Variants in LUZP2 observed in about 807,000 individuals in gnomAD.
LUZP2 encodes the protein leucine zipper protein 2.
A neutral mutation model predicts 51.6 loss-of-function variants in LUZP2; 52 were observed. That is an observed-to-expected ratio of 1.01 (90% CI 0.81 to 1.27). The LOEUF is 1.27. LUZP2 is among the 50% of genes most tolerant of loss of function. LUZP2 has a pLI of 0.00. For missense variants in LUZP2, 436 were observed against 395.4 expected (o/e 1.10, Z -0.87); for synonymous variants, 154 against 137.3 (o/e 1.12, Z -0.85).
At chr11:24,701,545 G>A (rs1478548038) in intron 1 of LUZP2, 4 of 157,458 alleles carry the variant, frequency 2.5e-5, no homozygotes. Flanking sequence ...GTCTGATGAA[G>A]CCCGAGACAA....
chr11:25,038,177 A>T (rs1857922803), intron 9 of LUZP2, among the ~76,000 whole-genome samples: 1 of 152,122 alleles, frequency 6.6e-6, no homozygotes, highest in Admixed American at 6.6e-5. Flanking sequence ...ACATAATCTC[A>T]TATTTCTCAG....
At chr11:24,863,744 G>A (rs539540331) in intron 5 of LUZP2, among the ~76,000 whole-genome samples, 12 of 152,086 alleles carry the variant, frequency 7.9e-5, no homozygotes, top group Admixed American at 3.3e-4. Flanking sequence ...ATAAAAACAC[G>A]TCCCCAGAAA....
intron 10 of LUZP2, among the ~76,000 whole-genome samples, chr11:25,057,112 TTATATAAA>T (rs1418778822): frequency 6.6e-6 from 1 of 152,066 alleles, no homozygotes; most frequent in Non-Finnish European, 1.5e-5. Flanking sequence ...ATTATGATTA[TTATATAAA>T]TATATAGATA....
chr11:24,729,326 C>A, intron 2 of LUZP2, 40 bp downstream of exon 2: 1 of 1,092,738 alleles, frequency 9.2e-7, no homozygotes, highest in South Asian at 1.8e-5. Context: ...AAAAGAGGAG[C>A]AGTCATCTGA....
Position 24,830,791 on chromosome 11 carries a change from G to C in LUZP2, c.396+67483G>C, listed in dbSNP as rs186085431. On this transcript the variant is annotated intron_variant, in intron 5 of 11. Transcript: ENST00000336930. ...GGGCGGATCATGAGGTCAGGAGATC[G>C]AGACCATCCTGGCTAACCTGGTGAA... is the stretch of plus-strand genomic sequence containing the variant. Among the ~76,000 whole-genome samples the C allele has an allele frequency of 8.4e-4, 127 of 151,788 alleles. 1 individual carries two copies. Among genetic ancestry groups the C allele is most frequent in the African/African-American group, 2.8e-3 (117 of 41,346 alleles).
chr11:24,824,316 A>C lies in LUZP2; in HGVS notation c.396+61008A>C, dbSNP rs531127541. On this transcript the variant is annotated intron_variant, in intron 5 of 11. Coordinates refer to ENST00000336930, the MANE Select transcript of LUZP2 (RefSeq NM_001009909.4). ...GGGAAGTGGAAGTTGCGGTGAGCCA[A>C]GATTACACCATTGCACTCCAGCCTG... is the stretch of plus-strand genomic sequence containing the variant. 7.8e-5 allele frequency among the ~76,000 whole-genome samples: 11 copies of C among 140,380 alleles called. No individual in the cohort carries two copies. In the South Asian group the frequency reaches 2.7e-3, roughly 34 times the overall value. 92.1% of individuals were successfully genotyped at this position (140,380 alleles called of 152,430 possible).
chr11:24,773,388 C>T (rs1848807775), intron 5 of LUZP2, among the ~76,000 whole-genome samples: 1 of 151,792 alleles, frequency 6.6e-6, no homozygotes, highest in African/African-American at 2.4e-5. Context: ...AAGAATTCAG[C>T]CAAGAGATGA....
chr11:24,697,452 A>G (rs1231097934), intron 1 of LUZP2, among the ~76,000 whole-genome samples: 1 of 152,240 alleles, frequency 6.6e-6, no homozygotes, highest in Non-Finnish European at 1.5e-5. Flanking sequence ...AAATTATTAC[A>G]GTGTAAAAAA....
At chr11:24,513,609 G>T (rs7112372) in intron 1 of LUZP2, among the ~76,000 whole-genome samples, 44,731 of 151,964 alleles carry the variant, frequency 0.29, 6,894 homozygotes, top group South Asian at 0.5. Context: ...GACTCATATG[G>T]TTTTTCCTGT....
At chr11:24,557,571 C>G (rs1851910145) in intron 1 of LUZP2, among the ~76,000 whole-genome samples, 1 of 151,734 alleles carries the variant, frequency 6.6e-6, no homozygotes, top group African/African-American at 2.4e-5. Flanking sequence ...GTATTAAATA[C>G]TCACAAAGCC....
At chr11:24,844,720 G>T (rs1410104968) in intron 5 of LUZP2, among the ~76,000 whole-genome samples, 1 of 152,126 alleles carries the variant, frequency 6.6e-6, no homozygotes, top group African/African-American at 2.4e-5. Context: ...AAGGGACTTA[G>T]TGTCCTGTGT....
At chr11:24,716,571 A>G (rs1334665163) in intron 1 of LUZP2, among the ~76,000 whole-genome samples, 1 of 152,136 alleles carries the variant, frequency 6.6e-6, no homozygotes, top group Non-Finnish European at 1.5e-5. Flanking sequence ...CTGCCAGTCC[A>G]AACAAGGAAA....
chr11:24,574,419 A>ATGTATTTGTGTGTTAGTTAG (rs1235027560), intron 1 of LUZP2, among the ~76,000 whole-genome samples: 6 of 133,738 alleles, frequency 4.5e-5, no homozygotes, highest in Admixed American at 4.3e-4. Context: ...TCTGGTGTGT[A>ATGTATTTGTGTGTTAGTTAG]TGTATTTGTG....
chr11:25,002,469 G>T (rs748814831), intron 9 of LUZP2, among the ~76,000 whole-genome samples: 8 of 152,296 alleles, frequency 5.3e-5, no homozygotes, highest in Non-Finnish European at 1.0e-4. Flanking sequence ...TCAAGGAATA[G>T]CACCTGGTAT....
intron 1 of LUZP2, among the ~76,000 whole-genome samples, chr11:24,646,916 A>C (rs887505045): frequency 6.6e-6 from 1 of 152,000 alleles, no homozygotes. Context: ...TATAATATAT[A>C]ATTTATTGTT....
chr11:25,019,206 T>C (rs1857256214), intron 9 of LUZP2, among the ~76,000 whole-genome samples: 1 of 152,216 alleles, frequency 6.6e-6, no homozygotes, highest in South Asian at 2.1e-4. Context: ...ATAGAATTTA[T>C]CTTCGTTATA....
intron 1 of LUZP2, among the ~76,000 whole-genome samples, chr11:24,538,019 TG>T (rs36001661): frequency 0.4 from 60,520 of 151,560 alleles, 12,409 homozygotes; most frequent in Middle Eastern, 0.5. Flanking sequence ...GCCACTTCTT[TG>T]AAGAGAAGGA....
chr11:24,854,948 C>T (rs1033740119), intron 5 of LUZP2, among the ~76,000 whole-genome samples: 8 of 152,134 alleles, frequency 5.3e-5, no homozygotes, highest in Middle Eastern at 3.2e-3. Flanking sequence ...GCTTGCCCTC[C>T]GTGAGCCACA....
chr11:24,498,457 A>G (rs1031527466), intron 1 of LUZP2, among the ~76,000 whole-genome samples: 1 of 152,146 alleles, frequency 6.6e-6, no homozygotes, highest in Non-Finnish European at 1.5e-5. Context: ...CTTTCCTTTT[A>G]GTGTAGAGAC....
Sources: allele counts gnomAD v4.1 joint callset (sites outside exome capture counted in the v4.1 genomes callset), GRCh38; gene constraint gnomAD v4.1.1; transcripts MANE v1.5; gene names NCBI Gene and HGNC (gene_info 2026-07-23, HGNC 2026-07-21).